The following FRMPD3 variants were observed in gnomAD, a reference collection of about 807,000 sequenced individuals.
FRMPD3 encodes the protein FERM and PDZ domain-containing protein 3.
FRMPD3 carries 42 observed loss-of-function variants against 97.9 expected under a neutral mutation model. The observed-to-expected ratio is 0.43, with a 90% CI of 0.34 to 0.55. The LOEUF is 0.55. Ranked by LOEUF, FRMPD3 falls within the 20% of genes least tolerant of loss-of-function variation. The probability of loss-of-function intolerance (pLI) is 0.03; values close to 1 mark genes in which losing one functional copy is unlikely to be tolerated. For missense variants in FRMPD3, 1,303 were observed against 1,457.7 expected (o/e 0.89, Z 1.73); for synonymous variants, 577 against 581.1 (o/e 0.99, Z 0.10).
intron 13 of FRMPD3, among the ~76,000 whole-genome samples, chrX:107,591,733 C>A (rs1467516276): frequency 3.6e-5 from 4 of 110,775 alleles, no homozygotes; most frequent in Non-Finnish European, 7.6e-5. Flanking sequence ...GTTTGCTCTT[C>A]TTTTTTTGCC....
chrX:107,502,499 T>A (rs1331797585), intron 1 of FRMPD3, among the ~76,000 whole-genome samples: 1 of 110,451 alleles, frequency 9.1e-6, no homozygotes, highest in East Asian at 2.8e-4. Flanking sequence ...GGGCTGAGGG[T>A]CACCAGGGCA....
chrX:107,509,100 CTG>C (rs1468080581), intron 1 of FRMPD3, among the ~76,000 whole-genome samples: 1 of 112,065 alleles, frequency 8.9e-6, no homozygotes, highest in East Asian at 2.8e-4. Context: ...AGCTTGGCCT[CTG>C]TGAGCTGAAA....
chrX:107,454,241 G>A (rs902118833), intron 1 of FRMPD3, among the ~76,000 whole-genome samples: 1 of 110,996 alleles, frequency 9.0e-6, no homozygotes, highest in African/African-American at 3.3e-5. Context: ...GTGTTCTCCA[G>A]CTCCTCCTGC....
At chrX:107,589,875 G>A (rs1923822133) in intron 13 of FRMPD3, among the ~76,000 whole-genome samples, 1 of 112,734 alleles carries the variant, frequency 8.9e-6, no homozygotes, top group South Asian at 3.7e-4. Context: ...TTGAGGTCGG[G>A]CATGGTGGCT....
intron 13 of FRMPD3, among the ~76,000 whole-genome samples, chrX:107,596,131 A>G (rs1924162682): frequency 9.0e-6 from 1 of 111,015 alleles, no homozygotes; most frequent in Non-Finnish European, 1.9e-5. Flanking sequence ...CAACACTGGC[A>G]TATTGACTCT....
At chrX:107,574,278 GA>G (rs1181797880) in intron 12 of FRMPD3, among the ~76,000 whole-genome samples, 67 of 97,813 alleles carry the variant, frequency 6.8e-4, no homozygotes, top group East Asian at 1.6e-3. Context: ...TGTCTCTATT[GA>G]AAAAAAAAAA....
chrX:107,542,938 A>G (rs905313556), intron 4 of FRMPD3, among the ~76,000 whole-genome samples: 5 of 111,873 alleles, frequency 4.5e-5, no homozygotes, highest in Middle Eastern at 4.6e-3. Context: ...CCATTCTTTC[A>G]GTTGAAGTCT....
In FRMPD3 at chrX:107,533,518, T is replaced by G; in HGVS notation, c.265T>G (p.Phe89Val). The G allele has an allele frequency of 8.3e-7, 1 of 1,208,491 alleles. No homozygotes were observed. The highest frequency in any genetic ancestry group is 1.1e-6 in the Non-Finnish European group (1 of 893,678). ...TTTTCTCTGTAGGAGCGCTAAGGAA[T>G]TCATCGTTCTTACAGTTCTGCACAC... is the stretch of plus-strand genomic sequence containing the variant. ...LIELIRSAKE[F>V]IVLTVLHTHQ... Residue 89 changes from phenylalanine to valine, a missense_variant, in exon 4 of 15, where the codon TTC (phenylalanine) becomes GTC (valine). Around this residue, in one of 3 missense-constraint regions of FRMPD3, gnomAD observed 535 missense variants for 618.6 expected, o/e 0.86. Transcript: ENST00000683843.
At chrX:107,586,404 G>GA (rs199725571) in intron 13 of FRMPD3, among the ~76,000 whole-genome samples, 8 of 106,313 alleles carry the variant, frequency 7.5e-5, no homozygotes, top group East Asian at 2.9e-4. Context: ...TGGATTCATT[G>GA]ATTTTTTTTT....
intron 1 of FRMPD3, among the ~76,000 whole-genome samples, chrX:107,476,358 C>A (rs191332930): frequency 8.8e-4 from 99 of 112,612 alleles, no homozygotes; most frequent in African/African-American, 3.1e-3. Flanking sequence ...TATGATCAAT[C>A]AATAGATCGA....
chrX:107,498,515 A>C (rs1213330968), intron 1 of FRMPD3, among the ~76,000 whole-genome samples: 1 of 112,081 alleles, frequency 8.9e-6, no homozygotes, highest in Non-Finnish European at 1.9e-5. Flanking sequence ...CTGAAGGAGC[A>C]CTGGAACCTC....
Position 107,479,005 on chromosome X carries a change from G to A in FRMPD3, c.-8+29000G>A, listed in dbSNP as rs749776538. Among the ~76,000 whole-genome samples, 15 of 112,460 alleles carry A rather than the reference G, an allele frequency of 1.3e-4. No individual in the cohort carries two copies. In the South Asian group the frequency reaches 4.9e-3, roughly 37 times the overall value. ...CCCCGAACCAATGACCAAGTTGGCT[G>A]CTGCAGTCCTCCCTGTGCTGCTGAA... On this transcript the variant is annotated intron_variant, in intron 1 of 14. Transcript: ENST00000683843.
At chrX:107,552,774 A>G (rs1413256236) in intron 6 of FRMPD3, 21 bp from the exon 7 acceptor site, 4 of 1,204,718 alleles carry the variant, frequency 3.3e-6, no homozygotes, top group Non-Finnish European at 4.5e-6. Context: ...CTCCCTCTCA[A>G]GGCTCTTTTC....
intron 13 of FRMPD3, among the ~76,000 whole-genome samples, chrX:107,580,723 T>C (rs1160316913): frequency 9.0e-6 from 1 of 111,549 alleles, no homozygotes; most frequent in African/African-American, 3.3e-5. Flanking sequence ...TGATTGCTCC[T>C]CCGGAGCACT....
In FRMPD3 at chrX:107,576,554, C is replaced by T. The variant is rs1048402513; in HGVS notation, c.1441+95C>T. On this transcript the variant is annotated intron_variant, in intron 13 of 14. Coordinates refer to ENST00000683843, the MANE Select transcript of FRMPD3 (RefSeq NM_001388459.1). ...AGCTTCTCTGCCTTAGTGCTCACCC[C>T]GTGCCAACAGTGCCTGATTTGCCAG... The T allele has an allele frequency of 1.3e-5, 13 of 994,110 alleles. No individual in the cohort carries two copies. In the South Asian group the frequency reaches 1.5e-4, roughly 12 times the overall value. 81.9% of individuals were successfully genotyped at this position (994,110 alleles called of 1,213,427 possible).
chrX:107,500,653 G>A (rs752542812), intron 1 of FRMPD3, among the ~76,000 whole-genome samples: 1 of 110,695 alleles, frequency 9.0e-6, no homozygotes, highest in Non-Finnish European at 1.9e-5. Context: ...AAATTAGCTG[G>A]GTGTGGTGGC....
intron 1 of FRMPD3, among the ~76,000 whole-genome samples, chrX:107,482,645 A>G (rs767970420): frequency 9.0e-6 from 1 of 111,614 alleles, no homozygotes. Context: ...TCCATATCCA[A>G]TGTATATATA....
chrX:107,589,160 G>A (rs1227885628), intron 13 of FRMPD3, among the ~76,000 whole-genome samples: 2 of 110,937 alleles, frequency 1.8e-5, no homozygotes, highest in African/African-American at 6.6e-5. Context: ...GAGGCACTCT[G>A]GCCTTTTGAG....
chrX:107,486,882 T>C (rs150453108), intron 1 of FRMPD3, among the ~76,000 whole-genome samples: 1,879 of 110,938 alleles, frequency 0.017, 18 homozygotes, highest in Non-Finnish European at 0.025. Context: ...CATTTTTGTT[T>C]TGTCTAAGGA....
Sources: allele counts gnomAD v4.1 joint callset (sites outside exome capture counted in the v4.1 genomes callset), GRCh38; gene constraint gnomAD v4.1.1; regional missense constraint gnomAD v4.1.1; transcripts MANE v1.5; gene names NCBI Gene and HGNC (gene_info 2026-07-23, HGNC 2026-07-21).